Variants in SLC10A7 observed in about 807,000 individuals in gnomAD.
The protein encoded by SLC10A7 is sodium/bile acid cotransporter 7.
In SLC10A7, 29 loss-of-function variants were observed where a neutral mutation model predicts 43.2. That is an observed-to-expected ratio of 0.67 (90% confidence interval 0.50 to 0.92). SLC10A7 has a LOEUF of 0.92. Ranked by LOEUF, SLC10A7 falls within the 40% of genes least tolerant of loss-of-function variation. The probability of loss-of-function intolerance (pLI) is 0.00; values close to 1 mark genes in which losing one functional copy is unlikely to be tolerated. For missense variants in SLC10A7, 295 were observed against 403.2 expected (o/e 0.73, Z 2.30); for synonymous variants, 152 against 144.8 (o/e 1.05, Z -0.35).
At position 146,430,395 on chromosome 4, in the gene SLC10A7, T is replaced by C. The variant is rs543636277; in HGVS notation, c.435+12388A>G. Among the ~76,000 whole-genome samples the C allele has an allele frequency of 3.3e-5, 5 of 152,352 alleles. No homozygotes were observed. In the South Asian group the frequency reaches 8.3e-4, roughly 25 times the overall value. ...ATGAAGAAGATAGGATTCATTGCCC[T>C]GGCTCTTGGAAATTACCAAAAGCAC... On this transcript the variant is annotated intron_variant, in intron 5 of 11. Transcript: ENST00000335472.
chr4:146,347,300 A>G (rs1354175856), intron 5 of SLC10A7, among the ~76,000 whole-genome samples: 1 of 152,206 alleles, frequency 6.6e-6, no homozygotes, highest in Non-Finnish European at 1.5e-5. Flanking sequence ...AGCTTCATGA[A>G]AAGATAACCA....
chr4:146,305,373 A>G (rs1456705920), intron 7 of SLC10A7, among the ~76,000 whole-genome samples: 2 of 146,934 alleles, frequency 1.4e-5, no homozygotes, highest in African/African-American at 2.5e-5. Flanking sequence ...GGAATTGAAC[A>G]ATGAGATCAC....
intron 5 of SLC10A7, among the ~76,000 whole-genome samples, chr4:146,404,098 C>A (rs1186709819): frequency 2.6e-5 from 4 of 152,112 alleles, no homozygotes; most frequent in Non-Finnish European, 4.4e-5. Context: ...CAGTGGCATG[C>A]CTCCACCACC....
chr4:146,306,666 A>C (rs1032359277), intron 6 of SLC10A7, among the ~76,000 whole-genome samples: 3 of 152,166 alleles, frequency 2.0e-5, no homozygotes, highest in Admixed American at 1.3e-4. Context: ...TTTCATTAAG[A>C]TGCTATTCCC....
intron 6 of SLC10A7, among the ~76,000 whole-genome samples, chr4:146,319,620 C>T (rs563985475): frequency 6.6e-6 from 1 of 152,100 alleles, no homozygotes; most frequent in Non-Finnish European, 1.5e-5. Flanking sequence ...TGGTGTCTGG[C>T]ATGCAGAAAT....
At chr4:146,338,301 C>T (rs971199942) in intron 5 of SLC10A7, among the ~76,000 whole-genome samples, 3 of 151,916 alleles carry the variant, frequency 2.0e-5, no homozygotes, top group Admixed American at 1.3e-4. Flanking sequence ...AGCAACTGTT[C>T]TATGCTCTTT....
At chr4:146,267,792 C>T (rs2111031590) in intron 10 of SLC10A7, among the ~76,000 whole-genome samples, 1 of 152,254 alleles carries the variant, frequency 6.6e-6, no homozygotes. Flanking sequence ...ATGATTTTCT[C>T]AGTGTCCTAG....
chr4:146,304,615 T>C (rs953653884), intron 7 of SLC10A7, among the ~76,000 whole-genome samples: 2 of 152,318 alleles, frequency 1.3e-5, no homozygotes, highest in Admixed American at 6.5e-5. Flanking sequence ...GTCTGAGAGA[T>C]AGTTTGTTAT....
chr4:146,379,312 T>A (rs1737434643), intron 5 of SLC10A7, among the ~76,000 whole-genome samples: 1 of 152,222 alleles, frequency 6.6e-6, no homozygotes, highest in South Asian at 2.1e-4. Flanking sequence ...AACACATATA[T>A]ACATGTATCT....
chr4:146,495,813 G>T (rs1254001566), intron 4 of SLC10A7, among the ~76,000 whole-genome samples: 1 of 89,864 alleles, frequency 1.1e-5, no homozygotes, highest in Non-Finnish European at 2.4e-5. Flanking sequence ...ACACACAGAG[G>T]CACATACACA....
In SLC10A7 at chr4:146,521,665, A is replaced by G; in HGVS notation, c.53T>C (p.Leu18Pro). 9 of 1,614,196 alleles carry G rather than the reference A, an allele frequency of 5.6e-6. No individual in the cohort carries two copies. The highest frequency in any genetic ancestry group is 7.6e-6 in the Non-Finnish European group (9 of 1,180,028). Reference sequence around the variant, plus strand: ...CTCCAGTTTAGCTCCAGCGATCGCCAGCACTATTCCGACCATGAACCAGTC... The same window carrying G: ...CTCCAGTTTAGCTCCAGCGATCGCCGGCACTATTCCGACCATGAACCAGTC... Reference protein sequence around the residue: ...RKDWFMVGIVLAIAGAKLEPS... With the variant: ...RKDWFMVGIVPAIAGAKLEPS... The change falls in exon 1 of 12, where the codon CTG becomes CCG. Residue 18 changes from leucine (L) to proline (P), a missense_variant. Around this residue, in one of 2 missense-constraint regions of SLC10A7, gnomAD observed 53 missense variants for 40.7 expected, o/e 1.30. Transcript: ENST00000335472.
chr4:146,330,781 G>C (rs990467099), intron 5 of SLC10A7, among the ~76,000 whole-genome samples: 6 of 152,162 alleles, frequency 3.9e-5, no homozygotes, highest in African/African-American at 1.4e-4. Context: ...GAACTGTGAT[G>C]GCTGTGCCTT....
chr4:146,417,250 G>A (rs2149841400), intron 5 of SLC10A7, among the ~76,000 whole-genome samples: 1 of 152,308 alleles, frequency 6.6e-6, no homozygotes, highest in Middle Eastern at 3.4e-3. Context: ...TGAAGAAGAT[G>A]GCACAGGATG....
At chr4:146,319,934 CA>C (rs1477880649) in intron 6 of SLC10A7, among the ~76,000 whole-genome samples, 28 of 151,942 alleles carry the variant, frequency 1.8e-4, no homozygotes, top group Admixed American at 1.8e-3. Context: ...TCTATAGAAA[CA>C]GGAGAAAAGG....
At chr4:146,283,132 A>C in intron 10 of SLC10A7, 60 bp downstream of exon 10, 1 of 1,293,286 alleles carries the variant, frequency 7.7e-7, no homozygotes, top group Non-Finnish European at 1.1e-6. Flanking sequence ...TGAATATCAA[A>C]GTCATAAGAT....
chr4:146,415,999 C>T (rs962053371), intron 5 of SLC10A7, among the ~76,000 whole-genome samples: 1 of 152,136 alleles, frequency 6.6e-6, no homozygotes, highest in Non-Finnish European at 1.5e-5. Flanking sequence ...CTTTCCAAGT[C>T]TGGAGAAATT....
intron 5 of SLC10A7, among the ~76,000 whole-genome samples, chr4:146,331,629 T>A (rs1011451941): frequency 5.3e-5 from 8 of 152,228 alleles, no homozygotes. Flanking sequence ...TCATTCTGTA[T>A]GTATAAGAAA....
chr4:146,379,280 A>C (rs777524633), intron 5 of SLC10A7, among the ~76,000 whole-genome samples: 1 of 152,164 alleles, frequency 6.6e-6, no homozygotes, highest in Non-Finnish European at 1.5e-5. Flanking sequence ...TATCCTTACA[A>C]CTATCCAAAG....
chr4:146,447,565 T>C (rs546945113), intron 4 of SLC10A7, among the ~76,000 whole-genome samples: 22 of 152,292 alleles, frequency 1.4e-4, no homozygotes, highest in African/African-American at 4.8e-4. Context: ...GCTAACTGAA[T>C]GTCCTACACA....
Sources: allele counts gnomAD v4.1 joint callset (sites outside exome capture counted in the v4.1 genomes callset), GRCh38; gene constraint gnomAD v4.1.1; regional missense constraint gnomAD v4.1.1; transcripts MANE v1.5; gene names NCBI Gene and HGNC (gene_info 2026-07-23, HGNC 2026-07-21).